Variants in EXOC2 observed in about 807,000 individuals in gnomAD.
The protein encoded by EXOC2 is exocyst complex component 2.
A neutral mutation model predicts 131.8 loss-of-function variants in EXOC2; 70 were observed. That is an observed-to-expected ratio of 0.53 (90% confidence interval 0.44 to 0.65). EXOC2 has a LOEUF of 0.65. Among genes scored for constraint, EXOC2 ranks in the 30% least tolerant of loss-of-function variants. EXOC2 has a pLI of 0.00. For synonymous variants in EXOC2, 411 were observed against 398.4 expected, an observed-to-expected ratio of 1.03 and a Z score of -0.38; for missense variants, 923 against 1,108.6, an observed-to-expected ratio of 0.83 and a Z score of 2.38.
In EXOC2 at chr6:614,298, G is replaced by A. The variant is rs185389851; in HGVS notation, c.661+3413C>T. Among the ~76,000 whole-genome samples, 131 of 152,250 alleles carry A rather than the reference G, an allele frequency of 8.6e-4. 1 individual carries two copies. The highest frequency in any genetic ancestry group is 3.1e-3 in the African/African-American group (128 of 41,540). ...TCGGCCTTGACCATGTCCATGTGAC[G>A]GGGCCGTACTACAGACTCCGGATCT... On this transcript the variant is annotated intron_variant, in intron 6 of 27. Transcript: ENST00000230449.
At chr6:690,147 G>A (rs1764850109) in intron 1 of EXOC2, among the ~76,000 whole-genome samples, 1 of 152,152 alleles carries the variant, frequency 6.6e-6, no homozygotes, top group Admixed American at 6.5e-5. Flanking sequence ...TTGCATTCAG[G>A]AGTTCAAGAC....
At chr6:680,649 T>C (rs1435100626) in intron 1 of EXOC2, among the ~76,000 whole-genome samples, 4 of 152,198 alleles carry the variant, frequency 2.6e-5, no homozygotes, top group Non-Finnish European at 4.4e-5. Flanking sequence ...GCTGACCACA[T>C]GAGGCTTCCT....
At chr6:656,790 G>T in intron 1 of EXOC2, 1 of 1,603,544 alleles carries the variant, frequency 6.2e-7, no homozygotes, top group African/African-American at 1.3e-5. Flanking sequence ...CCACAGCCTG[G>T]CCTCGTGGAG....
In EXOC2 at chr6:635,837, C is replaced by A. The variant is rs190042145; in HGVS notation, c.118+1864G>T. Among the ~76,000 whole-genome samples the A allele has an allele frequency of 8.0e-4, 122 of 152,332 alleles. 4 individuals are homozygous for A. In the East Asian group the frequency reaches 0.023, roughly 28 times the overall value. Reference sequence around the variant, plus strand: ...CAGCACTTTGGGAGACCGAGGCAGGCGGATCACGAGGTCAAGAGATTGTGA... The same window carrying A: ...CAGCACTTTGGGAGACCGAGGCAGGAGGATCACGAGGTCAAGAGATTGTGA... On this transcript the variant is annotated intron_variant, in intron 2 of 27. Coordinates refer to ENST00000230449, the MANE Select transcript of EXOC2 (RefSeq NM_018303.6).
At chr6:495,077 C>T (rs895095928) in intron 25 of EXOC2, among the ~76,000 whole-genome samples, 1 of 148,972 alleles carries the variant, frequency 6.7e-6, no homozygotes, top group Admixed American at 6.7e-5. Flanking sequence ...TTTGTAGAGA[C>T]AAGGTGTTAC....
intron 2 of EXOC2, 89 bp from the exon 3 acceptor site, chr6:633,206 T>G: frequency 7.3e-7 from 1 of 1,362,186 alleles, no homozygotes; most frequent in Non-Finnish European, 1.0e-6. Context: ...AATCTAGTCT[T>G]GTTCAATAAT....
At chr6:613,438 T>TA (rs935199072) in intron 6 of EXOC2, among the ~76,000 whole-genome samples, 62 of 150,826 alleles carry the variant, frequency 4.1e-4, no homozygotes, top group African/African-American at 1.2e-3. Flanking sequence ...GCAGATGATG[T>TA]AAAAAAAAGA....
Position 599,011 on chromosome 6 carries a change from AC to A in EXOC2, c.888+68del, listed in dbSNP as rs140753485. On this transcript the variant is annotated intron_variant, in intron 8 of 27. Coordinates refer to ENST00000230449, the MANE Select transcript of EXOC2 (RefSeq NM_018303.6). ...TGAAGACATTTGGTTAATATAAAAA[AC>A]ATCTTAAAAAATCTTAAAAATGTAT... 10,343 of 1,564,228 alleles carry A rather than the reference AC, an allele frequency of 6.6e-3. 74 individuals are homozygous for A. Among genetic ancestry groups the A allele is most frequent in the African/African-American group, 0.033 (2,393 of 72,576 alleles).
At chr6:596,043 G>A (rs920888586) in intron 10 of EXOC2, among the ~76,000 whole-genome samples, 6 of 152,036 alleles carry the variant, frequency 3.9e-5, no homozygotes, top group African/African-American at 1.5e-4. Flanking sequence ...GCAAGCTTCC[G>A]TGTTTTCACC....
intron 23 of EXOC2, among the ~76,000 whole-genome samples, chr6:530,729 C>T (rs1048129602): frequency 6.6e-6 from 1 of 152,186 alleles, no homozygotes; most frequent in African/African-American, 2.4e-5. Flanking sequence ...TACTGCTGGC[C>T]CTCTGCATCT....
intron 12 of EXOC2, among the ~76,000 whole-genome samples, chr6:574,318 T>C (rs1285740760): frequency 6.6e-6 from 1 of 152,198 alleles, no homozygotes; most frequent in Non-Finnish European, 1.5e-5. Context: ...CTAAAGGAAG[T>C]ATGCCCTCAT....
At chr6:538,616 C>A (rs1018938628) in intron 22 of EXOC2, among the ~76,000 whole-genome samples, 1 of 152,178 alleles carries the variant, frequency 6.6e-6, no homozygotes, top group Admixed American at 6.5e-5. Flanking sequence ...AACAAAAACA[C>A]AGTGCCTCCT....
intron 11 of EXOC2, 113 bp downstream of exon 11, chr6:592,356 A>G: frequency 2.2e-6 from 2 of 903,060 alleles, no homozygotes; most frequent in East Asian, 2.5e-5. Flanking sequence ...AAAAGACAAT[A>G]ATAAGAGATA....
intron 17 of EXOC2, among the ~76,000 whole-genome samples, 161 bp from the exon 18 acceptor site, chr6:556,725 AG>A (rs1423840923): frequency 3.3e-5 from 5 of 152,238 alleles, no homozygotes; most frequent in Non-Finnish European, 7.3e-5. Context: ...TGAGTTTCAG[AG>A]GTTTGGCATA....
At chr6:550,501 A>C (rs1225593792) in intron 21 of EXOC2, among the ~76,000 whole-genome samples, 1 of 152,210 alleles carries the variant, frequency 6.6e-6, no homozygotes, top group Non-Finnish European at 1.5e-5. Context: ...TAAAAGGCCT[A>C]GGGAGTATTA....
Position 514,992 on chromosome 6 carries a change from G to A in EXOC2, c.2381-15292C>T, listed in dbSNP as rs571399964. ...AGGCACTGGTGGCTTCGCTCTAAAC[G>A]AACAGTTCTTAAAACTGCTTTCAGT... On this transcript the variant is annotated intron_variant, in intron 23 of 27. Coordinates refer to ENST00000230449, the MANE Select transcript of EXOC2 (RefSeq NM_018303.6). Among the ~76,000 whole-genome samples, 8 of 152,326 alleles carry A rather than the reference G, an allele frequency of 5.3e-5. No individual in the cohort carries two copies. In the South Asian group the frequency reaches 1.2e-3, roughly 24 times the overall value.
intron 11 of EXOC2, among the ~76,000 whole-genome samples, chr6:590,373 C>T (rs902634556): frequency 6.6e-5 from 10 of 152,010 alleles, no homozygotes; most frequent in African/African-American, 2.4e-4. Flanking sequence ...TCTTAAATAC[C>T]AAGCATAGAA....
At chr6:680,504 C>G (rs1391580801) in intron 1 of EXOC2, among the ~76,000 whole-genome samples, 1 of 152,148 alleles carries the variant, frequency 6.6e-6, no homozygotes, top group Non-Finnish European at 1.5e-5. Flanking sequence ...ATTGCCTTCC[C>G]TGTGGCAATA....
At position 494,541 on chromosome 6, in the gene EXOC2, A is replaced by AAACCCAG. The variant is rs370489438; in HGVS notation, c.2559+2819_2559+2825dup. 1.1e-3 allele frequency among the ~76,000 whole-genome samples: 163 copies of AAACCCAG among 152,180 alleles called. 1 individual carries two copies. The highest frequency in any genetic ancestry group is 3.7e-3 in the African/African-American group (155 of 41,508). Reference sequence around the variant, plus strand: ...TGACTGATGTATACACCTGTGATGGAAACCCAGATCACAATACAGAACCAG... The same window carrying AAACCCAG: ...TGACTGATGTATACACCTGTGATGGAAACCCAGAACCCAGATCACAATACAGAACCAG... On this transcript the variant is annotated intron_variant, in intron 25 of 27. Coordinates refer to ENST00000230449, the MANE Select transcript of EXOC2 (RefSeq NM_018303.6).
Sources: allele counts gnomAD v4.1 joint callset (sites outside exome capture counted in the v4.1 genomes callset), GRCh38; gene constraint gnomAD v4.1.1; transcripts MANE v1.5; gene names NCBI Gene and HGNC (gene_info 2026-07-23, HGNC 2026-07-21).